CSNK1G1: variants seen among roughly 807,000 people sequenced by gnomAD.
The protein encoded by CSNK1G1 is casein kinase I isoform gamma-1.
A neutral mutation model predicts 59.6 loss-of-function variants in CSNK1G1; 22 were observed. That is an observed-to-expected ratio of 0.37 (90% confidence interval 0.26 to 0.53). The LOEUF is 0.53. Ranked by LOEUF, CSNK1G1 falls within the 20% of genes least tolerant of loss-of-function variation. CSNK1G1 has a pLI of 0.89. For missense variants in CSNK1G1, 384 were observed against 519.5 expected (o/e 0.74, Z 2.54); for synonymous variants, 179 against 177.1 (o/e 1.01, Z -0.08).
chr15:64,325,094 C>G (rs1245972080), intron 1 of CSNK1G1, among the ~76,000 whole-genome samples: 1 of 152,086 alleles, frequency 6.6e-6, no homozygotes, highest in Non-Finnish European at 1.5e-5. Flanking sequence ...ATAAAGAATT[C>G]TTTTGTTGTT....
chr15:64,242,985 C>A (rs1891550473), intron 4 of CSNK1G1, among the ~76,000 whole-genome samples: 1 of 152,048 alleles, frequency 6.6e-6, no homozygotes, highest in South Asian at 2.1e-4. Context: ...ACCGTATGAT[C>A]ATCTCAATAG....
At position 64,325,052 on chromosome 15, in the gene CSNK1G1, G is replaced by T. The variant is rs1244807075; in HGVS notation, c.-224-24329C>A. The stretch of plus-strand genomic sequence containing the variant: ...ACTATTGAACATGTAAAAAGCATCT[G>T]AATCATGAGAACTTGATTAATACAG... On this transcript the variant is annotated intron_variant, in intron 1 of 11. Coordinates refer to ENST00000303052, the MANE Select transcript of CSNK1G1 (RefSeq NM_022048.5). Among the ~76,000 whole-genome samples the T allele has an allele frequency of 3.3e-5, 5 of 152,286 alleles. No individual in the cohort carries two copies. In the South Asian group the frequency reaches 8.3e-4, roughly 25 times the overall value.
intron 2 of CSNK1G1, among the ~76,000 whole-genome samples, chr15:64,291,022 T>C (rs1261331049): frequency 6.6e-6 from 1 of 152,184 alleles, no homozygotes; most frequent in African/African-American, 2.4e-5. Flanking sequence ...CCAAGACTCC[T>C]ATTTTTAATC....
chr15:64,340,886 T>C (rs1055582044), intron 1 of CSNK1G1, among the ~76,000 whole-genome samples: 4 of 152,054 alleles, frequency 2.6e-5, no homozygotes, highest in African/African-American at 9.7e-5. Flanking sequence ...AAAGCCTGGG[T>C]AGTTGGTACT....
In CSNK1G1 at chr15:64,267,347, TAA is replaced by T. The variant is rs541815899; in HGVS notation, c.182-8108_182-8107del. ...CAGGCAAATGGGATTATATCAAATTTAAAAGTTTCTCAACAGAGTGAAGAGAC... is the reference window on the plus strand; with the variant it reads ...CAGGCAAATGGGATTATATCAAATTTAAGTTTCTCAACAGAGTGAAGAGAC... On this transcript the variant is annotated intron_variant, in intron 2 of 11. Transcript: ENST00000303052. Among the ~76,000 whole-genome samples, 361 of 151,414 alleles carry T rather than the reference TAA, an allele frequency of 2.4e-3. 2 individuals carry two copies. Among genetic ancestry groups the T allele is most frequent in the African/African-American group, 8.3e-3 (344 of 41,308 alleles).
At chr15:64,345,788 G>C (rs1285381867) in intron 1 of CSNK1G1, among the ~76,000 whole-genome samples, 1 of 150,876 alleles carries the variant, frequency 6.6e-6, no homozygotes, top group Non-Finnish European at 1.5e-5. Context: ...TTGTAGAATA[G>C]AAAAAAAAAC....
At chr15:64,212,808 C>T (rs915985110) in intron 6 of CSNK1G1, among the ~76,000 whole-genome samples, 3 of 152,092 alleles carry the variant, frequency 2.0e-5, no homozygotes, top group African/African-American at 7.2e-5. Flanking sequence ...GAGTTCAAGA[C>T]CAGCCTGGCC....
At position 64,214,279 on chromosome 15, in the gene CSNK1G1, C is replaced by A; in HGVS notation, c.445-155G>T. The stretch of plus-strand genomic sequence containing the variant: ...CTGAGTCACTTCACTGACTTGTAAA[C>A]AAAAAAATATTTTGCTATAAATACG... On this transcript the variant is annotated intron_variant, in intron 5 of 11. Transcript: ENST00000303052. This position sits in a 1 kb window ranked among gnomAD's most constrained non-coding sequence, Gnocchi z 4.3. 9.7e-6 allele frequency: 6 copies of A among 620,350 alleles called. No homozygotes were observed. Among genetic ancestry groups the A allele is most frequent in the African/African-American group, 1.8e-5 (1 of 54,136 alleles). The allele number at this position is 620,350 out of a possible 1,614,324, so 38.4% of individuals were successfully genotyped here.
chr15:64,337,971 T>C (rs1897477961), intron 1 of CSNK1G1, among the ~76,000 whole-genome samples: 1 of 152,240 alleles, frequency 6.6e-6, no homozygotes, highest in African/African-American at 2.4e-5. Context: ...TGTGTCAGAA[T>C]TTCCTTCCTT....
intron 2 of CSNK1G1, among the ~76,000 whole-genome samples, chr15:64,292,923 T>C (rs1894822614): frequency 6.6e-6 from 1 of 150,468 alleles, no homozygotes; most frequent in Non-Finnish European, 1.5e-5. Flanking sequence ...CGAGACTCCA[T>C]CTCATAAATA....
At chr15:64,203,030 T>A in intron 10 of CSNK1G1, 52 bp downstream of exon 10, 1 of 1,361,140 alleles carries the variant, frequency 7.3e-7, no homozygotes, top group Non-Finnish European at 1.1e-6. Flanking sequence ...TGGGTTTTAA[T>A]ATTAGCCAAG....
chr15:64,338,727 A>AC, intron 1 of CSNK1G1, among the ~76,000 whole-genome samples: 1 of 146,226 alleles, frequency 6.8e-6, no homozygotes, highest in Non-Finnish European at 1.5e-5. Context: ...AAAAAAAAAA[A>AC]ACACTTCTGG....
chr15:64,174,957 C>G (rs1016346166), intron 11 of CSNK1G1, among the ~76,000 whole-genome samples: 1 of 151,948 alleles, frequency 6.6e-6, no homozygotes, highest in African/African-American at 2.4e-5. Flanking sequence ...TGTCTGATCT[C>G]TTCAGCTAGA....
At chr15:64,298,236 T>C (rs2140398553) in intron 2 of CSNK1G1, among the ~76,000 whole-genome samples, 1 of 152,372 alleles carries the variant, frequency 6.6e-6, no homozygotes. Context: ...ATTTCCACTT[T>C]TAATTCACCA....
intron 1 of CSNK1G1, among the ~76,000 whole-genome samples, chr15:64,316,251 T>A (rs2140430552): frequency 6.6e-6 from 1 of 152,192 alleles, no homozygotes; most frequent in Non-Finnish European, 1.5e-5. Context: ...AAAAAGTTAA[T>A]GCAGGTTGGG....
chr15:64,294,769 G>T (rs1218134975), intron 2 of CSNK1G1, among the ~76,000 whole-genome samples: 1 of 151,102 alleles, frequency 6.6e-6, no homozygotes, highest in African/African-American at 2.4e-5. Context: ...AAAATTAGCT[G>T]GGCGTTGTGG....
Position 64,339,057 on chromosome 15 carries a change from G to A in CSNK1G1, c.-225+16931C>T, listed in dbSNP as rs1044537856. The stretch of plus-strand genomic sequence containing the variant: ...TCCAAGAAAAGGGGAGAGTTAAAGT[G>A]CAGGATTCTGAAGGGAAAAAGTTAA... On this transcript the variant is annotated intron_variant, in intron 1 of 11. Transcript: ENST00000303052. Among the ~76,000 whole-genome samples the A allele has an allele frequency of 1.6e-4, 24 of 152,080 alleles. 1 individual carries two copies. The highest frequency in any genetic ancestry group is 5.1e-4 in the African/African-American group (21 of 41,398).
intron 2 of CSNK1G1, among the ~76,000 whole-genome samples, chr15:64,279,492 T>C (rs543161247): frequency 6.6e-6 from 1 of 152,358 alleles, no homozygotes; most frequent in Non-Finnish European, 1.5e-5. Flanking sequence ...TGGTATTCCA[T>C]TGTATGAATA....
chr15:64,267,256 C>CAAAA (rs199581105), intron 2 of CSNK1G1, among the ~76,000 whole-genome samples: 17 of 61,750 alleles, frequency 2.8e-4, no homozygotes, highest in East Asian at 5.5e-4. Context: ...GACCTTATCT[C>CAAAA]AAAAAAAAAA....
Sources: allele counts gnomAD v4.1 joint callset (sites outside exome capture counted in the v4.1 genomes callset), GRCh38; gene constraint gnomAD v4.1.1; non-coding constraint Gnocchi (gnomAD v3.1); transcripts MANE v1.5; gene names NCBI Gene and HGNC (gene_info 2026-07-23, HGNC 2026-07-21).